OAS2: variants seen among roughly 807,000 people sequenced by gnomAD.
OAS2 encodes 2'-5'-oligoadenylate synthase 2.
A neutral mutation model predicts 71.3 loss-of-function variants in OAS2; 67 were observed. That is an observed-to-expected ratio of 0.94 (90% CI 0.77 to 1.15). The LOEUF (loss-of-function observed/expected upper bound fraction) is 1.15, where lower values mean the gene tolerates loss of function less well. Ranked by LOEUF, OAS2 falls within the 50% of genes most tolerant of loss-of-function variation. The probability of loss-of-function intolerance (pLI) is 0.00; values close to 1 mark genes in which losing one functional copy is unlikely to be tolerated. For missense variants in OAS2, 789 were observed against 822.5 expected (o/e 0.96, Z 0.50); for synonymous variants, 327 against 321.8 (o/e 1.02, Z -0.17).
At chr12:112,980,501 T>A (rs887886328) in intron 1 of OAS2, among the ~76,000 whole-genome samples, 4 of 152,260 alleles carry the variant, frequency 2.6e-5, no homozygotes, top group African/African-American at 9.6e-5. Flanking sequence ...ATTGTCTTTC[T>A]ATGCCTGACT....
intron 6 of OAS2, 70 bp from the exon 7 acceptor site, chr12:113,004,864 G>A: frequency 1.0e-5 from 16 of 1,525,278 alleles, no homozygotes; most frequent in Non-Finnish European, 1.3e-5. Context: ...CCCAACTGGT[G>A]CCAGCCCACG....
chr12:112,998,230 C>T (rs1224364511), intron 4 of OAS2, 36 bp from the exon 5 acceptor site: 1 of 1,599,436 alleles, frequency 6.3e-7, no homozygotes, highest in Admixed American at 1.8e-5. Flanking sequence ...CCACAAGCAG[C>T]TCAACTGACT....
intron 1 of OAS2, among the ~76,000 whole-genome samples, chr12:112,981,660 T>G (rs2044084203): frequency 6.6e-6 from 1 of 152,214 alleles, no homozygotes; most frequent in African/African-American, 2.4e-5. Context: ...GCCTCTAGCT[T>G]TGTTCTTTTT....
At chr12:112,986,920 C>A in intron 1 of OAS2, 118 bp from the exon 2 acceptor site, 14 of 1,329,662 alleles carry the variant, frequency 1.1e-5, no homozygotes, top group Admixed American at 2.3e-5. Context: ...TGGATGCCTG[C>A]CACTCAATGT....
At position 112,990,815 on chromosome 12, in the gene OAS2, T is replaced by G. The variant is rs190888537; in HGVS notation, c.448+3507T>G. 3.6e-4 allele frequency among the ~76,000 whole-genome samples: 55 copies of G among 152,280 alleles called. 1 individual carries two copies. In the East Asian group the frequency reaches 0.011, roughly 29 times the overall value. On this transcript the variant is annotated intron_variant, in intron 2 of 9. Coordinates refer to ENST00000392583, the MANE Select transcript of OAS2 (RefSeq NM_002535.3). ...GGGTCTCTATTTTAATGTTAGTGTTTGTCGATTGTGCCTGAATTCCAAAGG... is the reference window on the plus strand; with the variant it reads ...GGGTCTCTATTTTAATGTTAGTGTTGGTCGATTGTGCCTGAATTCCAAAGG...
At chr12:112,986,859 A>G (rs1485881284) in intron 1 of OAS2, among the ~76,000 whole-genome samples, 179 bp from the exon 2 acceptor site, 1 of 152,222 alleles carries the variant, frequency 6.6e-6, no homozygotes, top group Non-Finnish European at 1.5e-5. Context: ...GGTTGGGGCT[A>G]GTATGAAAAG....
chr12:113,000,279 C>T (rs977217067), intron 5 of OAS2, among the ~76,000 whole-genome samples: 1 of 152,178 alleles, frequency 6.6e-6, no homozygotes, highest in Admixed American at 6.5e-5. Context: ...TCTTTTCCAA[C>T]CCAGAAGCAC....
At chr12:112,987,654 C>G (rs1024169999) in intron 2 of OAS2, 126 of 1,148,962 alleles carry the variant, frequency 1.1e-4, no homozygotes, top group Non-Finnish European at 1.3e-4. Context: ...ATATTTCTAG[C>G]CAGCTCCATG....
At chr12:112,989,301 C>T (rs1341284880) in intron 2 of OAS2, among the ~76,000 whole-genome samples, 2 of 152,244 alleles carry the variant, frequency 1.3e-5, no homozygotes, top group African/African-American at 2.4e-5. Flanking sequence ...GCCTCCCCAA[C>T]CATGTGGAAC....
In OAS2 at chr12:113,004,983, A is replaced by C. The variant is rs775501058; in HGVS notation, c.1229A>C (p.Asp410Ala). Residue 410 changes from aspartate (D) to alanine (A), a missense_variant, in exon 7 of 10, where the codon GAT becomes GCT. Coordinates refer to ENST00000392583, the MANE Select transcript of OAS2 (RefSeq NM_002535.3). The stretch of plus-strand genomic sequence containing the variant: ...GCTCTGAAGACTGGCTCTGATGCCG[A>C]TCTCGTCGTGTTCCATAACTCACTT... ...GTALKTGSDADLVVFHNSLKS... is the reference protein window; with the variant it reads ...GTALKTGSDAALVVFHNSLKS... The C allele has an allele frequency of 6.2e-7, 1 of 1,614,136 alleles. No homozygotes were observed.
At chr12:112,981,190 C>T (rs1424367416) in intron 1 of OAS2, among the ~76,000 whole-genome samples, 1 of 152,026 alleles carries the variant, frequency 6.6e-6, no homozygotes, top group African/African-American at 2.4e-5. Context: ...CTTGATTGTT[C>T]CCTTTGATGT....
intron 2 of OAS2, chr12:112,988,843 C>A: frequency 7.3e-6 from 4 of 550,260 alleles, no homozygotes; most frequent in Non-Finnish European, 9.2e-6. Context: ...GCATGAGATC[C>A]AAGAACCCTC....
At chr12:112,994,218 C>T (rs1050524588) in intron 2 of OAS2, among the ~76,000 whole-genome samples, 1 of 152,098 alleles carries the variant, frequency 6.6e-6, no homozygotes, top group Non-Finnish European at 1.5e-5. Context: ...CATTTCTTCC[C>T]TGCTATATAG....
chr12:112,997,712 G>A lies in OAS2; in HGVS notation c.820G>A (p.Glu274Lys), dbSNP rs1316198297. The A allele has an allele frequency of 6.2e-7, 1 of 1,611,712 alleles. No individual in the cohort carries two copies. The highest frequency in any genetic ancestry group is 8.5e-7 in the Non-Finnish European group (1 of 1,178,552). Residue 274 changes from glutamate (E) to lysine (K), a missense_variant, in exon 4 of 10, where the codon GAG becomes AAG. Glu to Lys is a moderately conservative substitution (Grantham distance 56). Coordinates refer to ENST00000392583, the MANE Select transcript of OAS2 (RefSeq NM_002535.3). ...GATGGTCAACTACAACTTTGAAGATGAGACCATCAGGAACATCCTGCTGCA... is the reference window on the plus strand; with the variant it reads ...GATGGTCAACTACAACTTTGAAGATAAGACCATCAGGAACATCCTGCTGCA... ...YWMVNYNFEDETIRNILLHQL... is the reference protein window; with the variant it reads ...YWMVNYNFEDKTIRNILLHQL...
chr12:112,988,488 G>A (rs1022789349), intron 2 of OAS2: 6 of 539,784 alleles, frequency 1.1e-5, no homozygotes, highest in Non-Finnish European at 1.4e-5. Flanking sequence ...TTGATTGGCC[G>A]AAACTCAGTG....
chr12:112,988,201 G>A (rs1282559159), intron 2 of OAS2: 3 of 985,330 alleles, frequency 3.0e-6, no homozygotes, highest in Admixed American at 6.1e-5. Flanking sequence ...GGTTTAGGTT[G>A]AAGGATTAAT....
Position 113,010,876 on chromosome 12 carries a change from G to T in OAS2, c.*1621G>T. ...CTCTCGGTGCTTCCAACTCATCCACGTCCTGTCTGTTTCCTCTGTATACAA... is the reference window on the plus strand; with the variant it reads ...CTCTCGGTGCTTCCAACTCATCCACTTCCTGTCTGTTTCCTCTGTATACAA... On this transcript the variant is annotated 3_prime_UTR_variant, in exon 10 of 10. Transcript: ENST00000392583. 6.3e-6 allele frequency: 1 copy of T among 158,960 alleles called. No individual in the cohort carries two copies. Among genetic ancestry groups the T allele is most frequent in the Non-Finnish European group, 1.4e-5 (1 of 72,812 alleles). 9.8% of individuals were successfully genotyped at this position (158,960 alleles called of 1,614,324 possible).
intron 5 of OAS2, among the ~76,000 whole-genome samples, chr12:112,999,006 AG>A (rs1015611267): frequency 1.3e-5 from 2 of 152,242 alleles, no homozygotes; most frequent in Non-Finnish European, 2.9e-5. Context: ...ACAAAGAGAA[AG>A]GGGGGTACCC....
intron 1 of OAS2, among the ~76,000 whole-genome samples, chr12:112,983,602 A>C (rs2044103338): frequency 1.3e-5 from 2 of 152,148 alleles, no homozygotes; most frequent in Admixed American, 1.3e-4. Flanking sequence ...TGATGTAAGC[A>C]TGTATTGCTT....
Sources: allele counts gnomAD v4.1 joint callset (sites outside exome capture counted in the v4.1 genomes callset), GRCh38; gene constraint gnomAD v4.1.1; transcripts MANE v1.5; gene names NCBI Gene and HGNC (gene_info 2026-07-23, HGNC 2026-07-21).